FAT4: variants seen among roughly 807,000 people sequenced by gnomAD.
The protein encoded by FAT4 is FAT atypical cadherin 4.
FAT4 carries 84 observed loss-of-function variants against 303.9 expected under a neutral mutation model. The ratio of observed to expected loss-of-function variants is 0.28; its 90% CI spans 0.23 to 0.33. The LOEUF (loss-of-function observed/expected upper bound fraction) is 0.33. Ranked by LOEUF, FAT4 falls within the 10% of genes least tolerant of loss-of-function variation. FAT4 has a pLI of 1.00. For synonymous variants in FAT4, 2,307 were observed against 2,298.8 expected (o/e 1.00, Z -0.10); for missense variants, 6,005 against 6,146.8 (o/e 0.98, Z 0.77).
intron 5 of FAT4, among the ~76,000 whole-genome samples, chr4:125,414,579 CTAATAGTA>C (rs1734965466): frequency 6.6e-6 from 1 of 152,044 alleles, no homozygotes; most frequent in Non-Finnish European, 1.5e-5. Context: ...AAATGTTTGA[CTAATAGTA>C]TAGCGTGTGG....
At chr4:125,352,671 C>T (rs139739546) in intron 2 of FAT4, among the ~76,000 whole-genome samples, 37 of 151,900 alleles carry the variant, frequency 2.4e-4, no homozygotes, top group African/African-American at 8.2e-4. Context: ...ATTTCAGAGA[C>T]AAGTTCTTCA....
intron 2 of FAT4, among the ~76,000 whole-genome samples, chr4:125,388,148 C>T (rs1005009172): frequency 3.3e-5 from 5 of 152,132 alleles, no homozygotes; most frequent in East Asian, 1.9e-4. Context: ...TATTTTAAGC[C>T]CCTTCTTGTG....
intron 8 of FAT4, among the ~76,000 whole-genome samples, chr4:125,439,463 G>T (rs906855004): frequency 1.3e-5 from 2 of 151,276 alleles, no homozygotes; most frequent in Admixed American, 6.6e-5. Context: ...CTCCTGAGTA[G>T]CTGGGACTAC....
At chr4:125,385,595 T>C (rs370354858) in intron 2 of FAT4, among the ~76,000 whole-genome samples, 1 of 152,160 alleles carries the variant, frequency 6.6e-6, no homozygotes, top group African/African-American at 2.4e-5. Flanking sequence ...ATCATAGTTA[T>C]ATAGTCATAA....
intron 11 of FAT4, among the ~76,000 whole-genome samples, chr4:125,467,750 T>A (rs34149747): frequency 0.38 from 58,262 of 151,944 alleles, 11,190 homozygotes; most frequent in Middle Eastern, 0.47. Context: ...GTACTGATTT[T>A]AAAAAAATCA....
intron 12 of FAT4, among the ~76,000 whole-genome samples, chr4:125,472,717 T>A (rs10028547): frequency 0.17 from 26,326 of 152,170 alleles, 2,430 homozygotes; most frequent in Admixed American, 0.21. Flanking sequence ...TTTAAGCAAG[T>A]TTTAAAATAC....
chr4:125,340,244 C>T (rs1231428182), intron 2 of FAT4, among the ~76,000 whole-genome samples: 3 of 152,104 alleles, frequency 2.0e-5, no homozygotes, highest in Non-Finnish European at 4.4e-5. Flanking sequence ...ACTTAATGTA[C>T]ATGAGACTCT....
intron 2 of FAT4, among the ~76,000 whole-genome samples, chr4:125,343,098 T>G (rs557336545): frequency 1.3e-5 from 2 of 152,290 alleles, no homozygotes; most frequent in South Asian, 4.1e-4. Flanking sequence ...GCTTTTAAAA[T>G]CATATTCATA....
chr4:125,457,122 TAC>T (rs151245014), intron 10 of FAT4, among the ~76,000 whole-genome samples: 9 of 81,378 alleles, frequency 1.1e-4, no homozygotes, highest in African/African-American at 8.6e-4. Flanking sequence ...GTTTCTCTCA[TAC>T]ACACACACAC....
intron 2 of FAT4, among the ~76,000 whole-genome samples, chr4:125,324,643 G>C (rs1270755420): frequency 6.6e-6 from 1 of 152,088 alleles, no homozygotes; most frequent in East Asian, 1.9e-4. Context: ...TTCTGATATG[G>C]AGCTTAGTGT....
At chr4:125,379,525 T>C (rs1388923120) in intron 2 of FAT4, among the ~76,000 whole-genome samples, 3 of 152,190 alleles carry the variant, frequency 2.0e-5, no homozygotes, top group Non-Finnish European at 4.4e-5. Flanking sequence ...AGTTGTGCAA[T>C]CTCGGCTCAC....
intron 2 of FAT4, among the ~76,000 whole-genome samples, chr4:125,345,984 A>G (rs528833741): frequency 1.2e-4 from 19 of 152,058 alleles, no homozygotes; most frequent in Admixed American, 1.3e-4. Flanking sequence ...TTTTTTATAT[A>G]TAATTTTAAG....
chr4:125,316,933 C>T lies in FAT4; in HGVS notation c.522C>T (p.Tyr174=). 1 of 1,614,012 alleles carries T rather than the reference C, an allele frequency of 6.2e-7. No individual in the cohort carries two copies. The highest frequency in any genetic ancestry group is 1.3e-5 in the African/African-American group (1 of 75,072). Reference sequence around the variant, plus strand: ...CAAACGGTGTGGACCACCGCTCCTACCGCATCATCCGCGGCAATGAGGCGG... The same window carrying T: ...CAAACGGTGTGGACCACCGCTCCTATCGCATCATCCGCGGCAATGAGGCGG... ...IGSNGVDHRS[Y]RIIRGNEAGR... is the part of the protein sequence containing the mutation. The change falls in exon 2 of 18, where the codon TAC becomes TAT. Residue 174 remains tyrosine (Y), a synonymous_variant. Transcript: ENST00000394329. This position sits in a 1 kb window ranked among gnomAD's most constrained non-coding sequence, Gnocchi z 5.7.
chr4:125,473,616 A>T (rs910709533), intron 12 of FAT4, among the ~76,000 whole-genome samples: 3 of 151,828 alleles, frequency 2.0e-5, no homozygotes, highest in African/African-American at 7.3e-5. Flanking sequence ...ACATCACCTC[A>T]CCCCCATTCT....
rs754535112 is a variant in FAT4, at chr4:125,452,538, A to T, written c.11528A>T (p.Glu3843Val). 3.1e-6 allele frequency: 5 copies of T among 1,614,144 alleles called. No individual in the cohort carries two copies. The highest frequency in any genetic ancestry group is 8.5e-7 in the Non-Finnish European group (1 of 1,180,034). The change falls in exon 10 of 18, where the codon GAA (glutamate) becomes GTA (valine). Residue 3843 changes from glutamate (E) to valine (V), a missense_variant. Transcript: ENST00000394329. ...ESLPVIIVAN[E>V]PLQPFLCKCL... Reference sequence around the variant, plus strand: ...CTTCCAGTCATCATCGTGGCAAATGAACCTCTGCAGCCTTTCTTATGCAAG... The same window carrying T: ...CTTCCAGTCATCATCGTGGCAAATGTACCTCTGCAGCCTTTCTTATGCAAG...
intron 17 of FAT4, among the ~76,000 whole-genome samples, chr4:125,488,146 G>T (rs1727476939): frequency 6.6e-6 from 1 of 152,174 alleles, no homozygotes; most frequent in African/African-American, 2.4e-5. Context: ...TGAATGATGA[G>T]GAGGATGAAA....
At chr4:125,343,212 A>T (rs749778915) in intron 2 of FAT4, among the ~76,000 whole-genome samples, 1 of 152,130 alleles carries the variant, frequency 6.6e-6, no homozygotes, top group East Asian at 1.9e-4. Flanking sequence ...GCTCTTGTCC[A>T]TAAAGATAGC....
At chr4:125,397,913 T>C (rs1264850488) in intron 2 of FAT4, among the ~76,000 whole-genome samples, 3 of 152,134 alleles carry the variant, frequency 2.0e-5, no homozygotes, top group Non-Finnish European at 4.4e-5. Flanking sequence ...CCTAACTAAA[T>C]GGATGGGTGG....
rs1302575881 is a variant in FAT4 at position 125,415,434 on chromosome 4, T to C, written c.6471T>C (p.Ala2157=). The change falls in exon 6 of 18, where the codon GCT becomes GCC. Residue 2157 remains alanine (A), a synonymous_variant. Coordinates refer to ENST00000394329, the MANE Select transcript of FAT4 (RefSeq NM_001291303.3). ...ATAACAACCCCATCTTTGCACAAGC[T>C]TTGTATAAAGTGGAGATTAATGAAA... The part of the protein sequence containing the change: ...INDNNPIFAQ[A]LYKVEINENT... 1.2e-6 allele frequency: 2 copies of C among 1,613,974 alleles called. No individual in the cohort carries two copies. Among genetic ancestry groups the C allele is most frequent in the Non-Finnish European group, 1.7e-6 (2 of 1,180,008 alleles).
Sources: allele counts gnomAD v4.1 joint callset (sites outside exome capture counted in the v4.1 genomes callset), GRCh38; gene constraint gnomAD v4.1.1; non-coding constraint Gnocchi (gnomAD v3.1); transcripts MANE v1.5; gene names NCBI Gene and HGNC (gene_info 2026-07-23, HGNC 2026-07-21).